The following RABGAP1L variants were observed in gnomAD, a reference collection of about 807,000 sequenced individuals.
The protein encoded by RABGAP1L is rab GTPase-activating protein 1-like.
In RABGAP1L, 63 loss-of-function variants were observed where a neutral mutation model predicts 137.7. That is an observed-to-expected ratio of 0.46 (90% CI 0.37 to 0.56). RABGAP1L has a LOEUF of 0.56. RABGAP1L is among the 20% of genes least tolerant of loss of function. The pLI is 0.00. For synonymous variants in RABGAP1L, 431 were observed against 433.7 expected (o/e 0.99, Z 0.08); for missense variants, 1,095 against 1,244.0 (o/e 0.88, Z 1.80).
intron 19 of RABGAP1L, among the ~76,000 whole-genome samples, chr1:174,870,017 A>G (rs943136515): frequency 1.3e-5 from 2 of 152,224 alleles, no homozygotes; most frequent in Non-Finnish European, 2.9e-5. Flanking sequence ...AGACAGTCAC[A>G]TAGCCAGTGA....
intron 13 of RABGAP1L, among the ~76,000 whole-genome samples, chr1:174,518,911 A>G (rs1002338820): frequency 6.6e-6 from 1 of 152,150 alleles, no homozygotes; most frequent in African/African-American, 2.4e-5. Flanking sequence ...GAGGATTTCA[A>G]AGTTCCCAAC....
intron 13 of RABGAP1L, among the ~76,000 whole-genome samples, chr1:174,506,670 T>C (rs947250530): frequency 6.6e-6 from 1 of 152,236 alleles, no homozygotes; most frequent in African/African-American, 2.4e-5. Context: ...TTATCCACCT[T>C]ACAGTGTATG....
intron 11 of RABGAP1L, among the ~76,000 whole-genome samples, chr1:174,347,357 G>A (rs748382477): frequency 3.4e-4 from 51 of 152,130 alleles, no homozygotes; most frequent in Non-Finnish European, 4.3e-4. Flanking sequence ...TCTTTCTTTA[G>A]TTCTAATATT....
At chr1:174,416,345 G>T (rs1650591376) in intron 13 of RABGAP1L, among the ~76,000 whole-genome samples, 1 of 151,868 alleles carries the variant, frequency 6.6e-6, no homozygotes, top group East Asian at 1.9e-4. Context: ...TGTAGACCTG[G>T]CTACTTGGAC....
At chr1:174,548,111 C>T (rs1052024744) in intron 13 of RABGAP1L, 132 of 1,533,650 alleles carry the variant, frequency 8.6e-5, no homozygotes, top group Non-Finnish European at 1.1e-4. Flanking sequence ...TGGGAGGTTG[C>T]AGTTTAGAAG....
At chr1:174,504,086 A>C (rs1280365392) in intron 13 of RABGAP1L, among the ~76,000 whole-genome samples, 1 of 151,660 alleles carries the variant, frequency 6.6e-6, no homozygotes, top group Non-Finnish European at 1.5e-5. Context: ...CATCCTCTCA[A>C]CTTAGCCTCC....
At chr1:174,904,401 C>G (rs1345509327) in intron 19 of RABGAP1L, among the ~76,000 whole-genome samples, 1 of 152,142 alleles carries the variant, frequency 6.6e-6, no homozygotes, top group African/African-American at 2.4e-5. Flanking sequence ...AGACCATCAA[C>G]CATCTTTTCG....
At chr1:174,584,654 G>A (rs1443478373) in intron 13 of RABGAP1L, among the ~76,000 whole-genome samples, 1 of 152,150 alleles carries the variant, frequency 6.6e-6, no homozygotes, top group Non-Finnish European at 1.5e-5. Context: ...TGGCCACTTT[G>A]TAAGAAACCT....
At chr1:174,850,105 T>A (rs948832299) in intron 19 of RABGAP1L, 6 of 504,464 alleles carry the variant, frequency 1.2e-5, no homozygotes, top group African/African-American at 9.8e-5. Flanking sequence ...ATCTTGTTGA[T>A]TTCCCATTCC....
chr1:174,702,324 T>C (rs1380164294), intron 17 of RABGAP1L, 68 bp downstream of exon 17: 1 of 1,377,448 alleles, frequency 7.3e-7, no homozygotes, highest in African/African-American at 1.5e-5. Flanking sequence ...GGTTACAGTT[T>C]TCTTCCTTTT....
At chr1:174,440,922 C>G (rs964889117) in intron 13 of RABGAP1L, among the ~76,000 whole-genome samples, 1 of 152,028 alleles carries the variant, frequency 6.6e-6, no homozygotes, top group Admixed American at 6.6e-5. Context: ...GCATTGCCTA[C>G]TGTTTATCCT....
chr1:174,434,108 T>TACGCAC (rs1652964278), intron 13 of RABGAP1L, among the ~76,000 whole-genome samples: 1 of 134,050 alleles, frequency 7.5e-6, no homozygotes, highest in East Asian at 2.2e-4. Flanking sequence ...CGTGTACACA[T>TACGCAC]ACACACACAC....
intron 13 of RABGAP1L, among the ~76,000 whole-genome samples, chr1:174,621,761 C>A (rs1413114741): frequency 6.6e-6 from 1 of 152,154 alleles, no homozygotes; most frequent in African/African-American, 2.4e-5. Flanking sequence ...TAGAAGAAAA[C>A]CTAGGCAATA....
At chr1:174,551,806 T>G (rs985442635) in intron 13 of RABGAP1L, among the ~76,000 whole-genome samples, 3 of 151,912 alleles carry the variant, frequency 2.0e-5, no homozygotes, top group Admixed American at 6.6e-5. Flanking sequence ...CTGAAAAATC[T>G]AAGAAGGGAA....
rs772977195 is a variant in RABGAP1L, at chr1:174,889,344, G to A, written c.2341-68113G>A. On this transcript the variant is annotated intron_variant, in intron 19 of 25. Transcript: ENST00000681986. ...TCACCATATTGGGCAGGCTGGTCTC[G>A]AACTGTTGACCTTGTGGTCCGCCCG... 1.7e-3 allele frequency among the ~76,000 whole-genome samples: 252 copies of A among 151,950 alleles called. 1 individual carries two copies. The highest frequency in any genetic ancestry group is 2.6e-3 in the Non-Finnish European group (179 of 67,930).
intron 12 of RABGAP1L, among the ~76,000 whole-genome samples, chr1:174,393,449 TA>T (rs1425462997): frequency 2.4e-4 from 37 of 152,288 alleles, no homozygotes; most frequent in African/African-American, 8.9e-4. Flanking sequence ...GGCCGCCAGG[TA>T]AAACTTGACT....
At chr1:174,418,596 G>A (rs1283146231) in intron 13 of RABGAP1L, among the ~76,000 whole-genome samples, 2 of 152,102 alleles carry the variant, frequency 1.3e-5, no homozygotes, top group African/African-American at 2.4e-5. Flanking sequence ...AATCTTAATG[G>A]TTCTTTAAGG....
chr1:174,698,252 A>G (rs986683632), intron 15 of RABGAP1L, among the ~76,000 whole-genome samples: 4 of 152,286 alleles, frequency 2.6e-5, no homozygotes, highest in African/African-American at 7.2e-5. Context: ...AGAATATTAG[A>G]TATGTCCCTT....
chr1:174,740,144 A>G (rs970619936), intron 17 of RABGAP1L, among the ~76,000 whole-genome samples: 3 of 152,188 alleles, frequency 2.0e-5, no homozygotes, highest in Non-Finnish European at 2.9e-5. Context: ...GTGAGTTCCT[A>G]TAATTAGTAA....
Sources: allele counts gnomAD v4.1 joint callset (sites outside exome capture counted in the v4.1 genomes callset), GRCh38; gene constraint gnomAD v4.1.1; transcripts MANE v1.5; gene names NCBI Gene and HGNC (gene_info 2026-07-23, HGNC 2026-07-21).